DPP6: variants seen among roughly 807,000 people sequenced by gnomAD.
DPP6 encodes the protein dipeptidyl peptidase like 6, also known as A-type potassium channel modulatory protein DPP6.
In DPP6, 69 loss-of-function variants were observed where a neutral mutation model predicts 122.6. The ratio of observed to expected loss-of-function variants is 0.56; its 90% CI spans 0.46 to 0.69. The LOEUF is 0.69. DPP6 is among the 30% of genes least tolerant of loss of function. DPP6 has a pLI of 0.00. For missense variants in DPP6, 928 were observed against 1,116.9 expected (o/e 0.83, Z 2.41); for synonymous variants, 418 against 433.1 (o/e 0.97, Z 0.43).
intron 19 of DPP6, among the ~76,000 whole-genome samples, chr7:154,874,250 G>C (rs1015503495): frequency 2.6e-5 from 4 of 152,162 alleles, no homozygotes; most frequent in African/African-American, 4.8e-5. Context: ...CCTGCACACT[G>C]GTTTCTTCAG....
chr7:154,016,021 C>T (rs180708106), intron 1 of DPP6, among the ~76,000 whole-genome samples: 187 of 152,294 alleles, frequency 1.2e-3, no homozygotes, highest in African/African-American at 4.4e-3. Context: ...CCATATCGGC[C>T]CACGTTCTAT....
At chr7:154,125,950 G>C (rs1463153093) in intron 1 of DPP6, among the ~76,000 whole-genome samples, 1 of 152,138 alleles carries the variant, frequency 6.6e-6, no homozygotes, top group Non-Finnish European at 1.5e-5. Flanking sequence ...CAGGAATTCG[G>C]TAAAAATTGT....
chr7:153,991,179 C>A (rs555076174), intron 1 of DPP6, among the ~76,000 whole-genome samples: 56 of 152,136 alleles, frequency 3.7e-4, no homozygotes, highest in African/African-American at 1.3e-3. Context: ...GAGCACACAC[C>A]GGCTTTTGGA....
At chr7:154,547,311 T>C (rs760585096) in intron 4 of DPP6, among the ~76,000 whole-genome samples, 1 of 152,248 alleles carries the variant, frequency 6.6e-6, no homozygotes, top group Non-Finnish European at 1.5e-5. Context: ...TGAGAGGGCA[T>C]AAACTGGCAG....
At position 153,943,587 on chromosome 7, in the gene DPP6, G is replaced by A. The variant is rs376502239; in HGVS notation, c.51+55853G>A. Reference sequence around the variant, plus strand: ...AGATAGTGATTTACTTTCTAATGACGTGCCTCTGTTTTCATTCCCTTTCCA... The same window carrying A: ...AGATAGTGATTTACTTTCTAATGACATGCCTCTGTTTTCATTCCCTTTCCA... On this transcript the variant is annotated intron_variant, in intron 1 of 25. Coordinates refer to the DPP6 transcript ENST00000404039. 2.6e-5 allele frequency among the ~76,000 whole-genome samples: 4 copies of A among 152,240 alleles called. No individual in the cohort carries two copies. In the East Asian group the frequency reaches 5.8e-4, roughly 22 times the overall value.
At chr7:154,408,445 CT>C (rs1208241949) in intron 1 of DPP6, among the ~76,000 whole-genome samples, 2 of 151,950 alleles carry the variant, frequency 1.3e-5, no homozygotes, top group Non-Finnish European at 2.9e-5. Flanking sequence ...TTTTTTAAAT[CT>C]TTTCAATATA....
At chr7:153,824,386 C>A in the DPP6 span, among the ~76,000 whole-genome samples, 143 of 79,368 alleles carry the variant, frequency 1.8e-3, no homozygotes, top group East Asian at 2.5e-3. Flanking sequence ...GAGTCTGTCT[C>A]AAAAAAAAAA....
intron 1 of DPP6, among the ~76,000 whole-genome samples, chr7:154,416,172 A>G (rs1052724271): frequency 1.3e-5 from 2 of 152,124 alleles, no homozygotes; most frequent in African/African-American, 4.8e-5. Context: ...TGGGACATGA[A>G]TCAGTCCTGT....
intron 1 of DPP6, among the ~76,000 whole-genome samples, chr7:154,236,119 C>G (rs1474023151): frequency 6.6e-6 from 1 of 152,156 alleles, no homozygotes; most frequent in Non-Finnish European, 1.5e-5. Flanking sequence ...TCCCAAAGTG[C>G]TGGGATTACA....
intron 9 of DPP6, among the ~76,000 whole-genome samples, chr7:154,771,931 C>A (rs1412747447): frequency 6.6e-6 from 1 of 152,178 alleles, no homozygotes; most frequent in Non-Finnish European, 1.5e-5. Context: ...CACAGCCACC[C>A]CACCCGCCAG....
chr7:154,390,922 G>A (rs893838652), intron 1 of DPP6, among the ~76,000 whole-genome samples: 1 of 152,206 alleles, frequency 6.6e-6, no homozygotes, highest in Admixed American at 6.5e-5. Flanking sequence ...TCATCAGATC[G>A]TACAGTCGTC....
the DPP6 span, among the ~76,000 whole-genome samples, chr7:153,834,553 C>T: frequency 2.6e-5 from 4 of 152,222 alleles, no homozygotes; most frequent in East Asian, 5.8e-4. Context: ...CAGCATGTCA[C>T]GCATCAGGGA....
In DPP6 at chr7:154,266,379, C is replaced by T. The variant is rs145349273; in HGVS notation, c.244-179835C>T. Among the ~76,000 whole-genome samples the T allele has an allele frequency of 1.6e-4, 24 of 152,148 alleles. No individual in the cohort carries two copies. In the East Asian group the frequency reaches 2.7e-3, roughly 17 times the overall value. The stretch of plus-strand genomic sequence containing the variant: ...AAGGGACACCTGACCTCAGGTGATC[C>T]GCCAGCCTTGGCCTCCCAAAGTGAC... On this transcript the variant is annotated intron_variant, in intron 1 of 25. Coordinates refer to ENST00000377770, the MANE Select transcript of DPP6 (RefSeq NM_130797.4).
At chr7:154,236,273 C>T (rs554491704) in intron 1 of DPP6, among the ~76,000 whole-genome samples, 2 of 152,120 alleles carry the variant, frequency 1.3e-5, no homozygotes, top group South Asian at 4.1e-4. Flanking sequence ...ATTTTAAACA[C>T]CCTTAAAAGC....
At chr7:153,757,685 C>T in the DPP6 span, among the ~76,000 whole-genome samples, 9 of 152,316 alleles carry the variant, frequency 5.9e-5, no homozygotes, top group South Asian at 2.1e-4. Context: ...GGGCCGGGCA[C>T]GGTGGTTCAC....
intron 1 of DPP6, among the ~76,000 whole-genome samples, chr7:154,021,404 G>C: frequency 6.6e-6 from 1 of 152,158 alleles, no homozygotes; most frequent in East Asian, 1.9e-4. Context: ...TTCAGTGTCT[G>C]CTCCTCCCAG....
intron 6 of DPP6, among the ~76,000 whole-genome samples, chr7:154,660,385 C>T (rs1465717665): frequency 6.7e-6 from 1 of 150,354 alleles, no homozygotes; most frequent in Non-Finnish European, 1.5e-5. Flanking sequence ...CATGGTGAAT[C>T]ACCATGGCGT....
intron 1 of DPP6, among the ~76,000 whole-genome samples, chr7:153,989,699 G>A (rs1318622192): frequency 6.6e-6 from 1 of 152,044 alleles, no homozygotes; most frequent in Non-Finnish European, 1.5e-5. Context: ...GGAGAACACT[G>A]GGGATGCTTG....
intron 7 of DPP6, among the ~76,000 whole-genome samples, chr7:154,695,412 A>T (rs1840163014): frequency 6.6e-6 from 1 of 152,260 alleles, no homozygotes; most frequent in Non-Finnish European, 1.5e-5. Flanking sequence ...GAAGGAGATT[A>T]ATATGTGGAT....
Sources: allele counts gnomAD v4.1 joint callset (sites outside exome capture counted in the v4.1 genomes callset), GRCh38; gene constraint gnomAD v4.1.1; transcripts MANE v1.5; gene names NCBI Gene and HGNC (gene_info 2026-07-23, HGNC 2026-07-21).